The following SUCLG2 variants were observed in gnomAD, a reference collection of about 807,000 sequenced individuals.
The protein encoded by SUCLG2 is succinate--CoA ligase [GDP-forming] subunit beta, mitochondrial.
A neutral mutation model predicts 47.9 loss-of-function variants in SUCLG2; 42 were observed. That is an observed-to-expected ratio of 0.88 (90% CI 0.69 to 1.14). The LOEUF (loss-of-function observed/expected upper bound fraction) is 1.14, where lower values mean the gene tolerates loss of function less well. Ranked by LOEUF, SUCLG2 falls within the 50% of genes most tolerant of loss-of-function variation. The probability of loss-of-function intolerance (pLI) is 0.00; values close to 1 mark genes in which losing one functional copy is unlikely to be tolerated. For synonymous variants in SUCLG2, 195 were observed against 197.3 expected (o/e 0.99, Z 0.10); for missense variants, 571 against 525.9 (o/e 1.09, Z -0.84).
intron 1 of SUCLG2, among the ~76,000 whole-genome samples, chr3:67,637,995 G>GACC (rs1701037199): frequency 2.0e-5 from 3 of 152,014 alleles, no homozygotes; most frequent in Non-Finnish European, 4.4e-5. Context: ...AGGAAGTGCT[G>GACC]TTTACTTTAT....
At chr3:67,651,931 TTA>T (rs1701292494) in intron 1 of SUCLG2, among the ~76,000 whole-genome samples, 1 of 152,124 alleles carries the variant, frequency 6.6e-6, no homozygotes, top group African/African-American at 2.4e-5. Context: ...TCATTATTGG[TTA>T]TATGTGTACT....
Position 67,418,466 on chromosome 3 carries a change from T to C in SUCLG2, c.1063-17615A>G, listed in dbSNP as rs9831881. ...AGGATTTGAACACAGGTTTATCTAA[T>C]GACAAGAGCTTTAACCATTACACTA... On this transcript the variant is annotated intron_variant, in intron 9 of 10. Coordinates refer to ENST00000307227, the MANE Select transcript of SUCLG2 (RefSeq NM_003848.4). Among the ~76,000 whole-genome samples, 492 of 152,296 alleles carry C rather than the reference T, an allele frequency of 3.2e-3. 1 individual carries two copies. The highest frequency in any genetic ancestry group is 0.011 in the African/African-American group (463 of 41,566).
intron 4 of SUCLG2, among the ~76,000 whole-genome samples, chr3:67,526,326 A>G (rs1706254402): frequency 1.3e-5 from 2 of 152,198 alleles, no homozygotes; most frequent in Admixed American, 6.5e-5. Context: ...TAATGTTTAG[A>G]AAGGTTACAA....
chr3:67,610,648 C>A (rs1700512010), intron 1 of SUCLG2, among the ~76,000 whole-genome samples: 1 of 152,070 alleles, frequency 6.6e-6, no homozygotes, highest in Non-Finnish European at 1.5e-5. Context: ...ATCAATCACA[C>A]AACTGGATCA....
At chr3:67,471,364 G>C (rs1430454696) in intron 9 of SUCLG2, among the ~76,000 whole-genome samples, 6 of 152,150 alleles carry the variant, frequency 3.9e-5, no homozygotes, top group Non-Finnish European at 7.4e-5. Flanking sequence ...ATCTTTGTAA[G>C]ACAGAATAAC....
At chr3:67,433,816 AC>A (rs1559524882) in intron 9 of SUCLG2, among the ~76,000 whole-genome samples, 1 of 152,024 alleles carries the variant, frequency 6.6e-6, no homozygotes, top group African/African-American at 2.4e-5. Context: ...AAAAAAAAAA[AC>A]TTATTTGCAC....
At chr3:67,507,829 G>A (rs1392961213) in intron 7 of SUCLG2, among the ~76,000 whole-genome samples, 1 of 152,192 alleles carries the variant, frequency 6.6e-6, no homozygotes, top group African/African-American at 2.4e-5. Context: ...AGACACCGGA[G>A]GTGAAATGTA....
intron 9 of SUCLG2, among the ~76,000 whole-genome samples, chr3:67,456,298 A>T (rs1281297085): frequency 2.0e-5 from 3 of 152,218 alleles, no homozygotes; most frequent in Non-Finnish European, 4.4e-5. Flanking sequence ...ATGGCCCATT[A>T]TATGCAAGGG....
chr3:67,430,165 A>T (rs1487617860), intron 9 of SUCLG2, among the ~76,000 whole-genome samples: 1 of 152,236 alleles, frequency 6.6e-6, no homozygotes, highest in African/African-American at 2.4e-5. Context: ...TCAGCACCAC[A>T]TTGCACTTAT....
At chr3:67,628,318 T>C (rs1366503909) in intron 1 of SUCLG2, among the ~76,000 whole-genome samples, 1 of 152,202 alleles carries the variant, frequency 6.6e-6, no homozygotes, top group African/African-American at 2.4e-5. Context: ...TAGTTTTTTA[T>C]TGAATGAAGG....
chr3:67,419,670 T>C (rs914033691), intron 9 of SUCLG2, among the ~76,000 whole-genome samples: 8 of 152,168 alleles, frequency 5.3e-5, no homozygotes, highest in Non-Finnish European at 7.4e-5. Flanking sequence ...CAGTATGATA[T>C]GAAATTTCCT....
chr3:67,529,288 G>A, intron 2 of SUCLG2, 102 bp from the exon 3 acceptor site: 2 of 810,850 alleles, frequency 2.5e-6, no homozygotes, highest in Non-Finnish European at 3.9e-6. Context: ...CAAGTAACTG[G>A]TAAAAGCTCT....
At chr3:67,379,316 A>G (rs947836793) in intron 10 of SUCLG2, among the ~76,000 whole-genome samples, 2 of 151,970 alleles carry the variant, frequency 1.3e-5, no homozygotes, top group African/African-American at 2.4e-5. Flanking sequence ...TCTTTTGAGC[A>G]CCTTCCAATC....
intron 4 of SUCLG2, among the ~76,000 whole-genome samples, chr3:67,527,592 T>C (rs1706289140): frequency 6.6e-6 from 1 of 152,170 alleles, no homozygotes; most frequent in African/African-American, 2.4e-5. Context: ...TTATTTTCTA[T>C]GTGTGGATGA....
intron 2 of SUCLG2, among the ~76,000 whole-genome samples, chr3:67,568,247 G>A (rs541129731): frequency 3.3e-5 from 5 of 152,282 alleles, no homozygotes; most frequent in Admixed American, 3.3e-4. Context: ...AAATGAAACA[G>A]ACTGAGGGGC....
At chr3:67,369,069 T>A (rs1701916576) in intron 10 of SUCLG2, among the ~76,000 whole-genome samples, 1 of 152,192 alleles carries the variant, frequency 6.6e-6, no homozygotes, top group South Asian at 2.1e-4. Context: ...TTAGGATTCA[T>A]TACTTTTTGT....
intron 1 of SUCLG2, among the ~76,000 whole-genome samples, chr3:67,620,419 T>C (rs539726033): frequency 9.2e-4 from 140 of 151,872 alleles, no homozygotes; most frequent in Non-Finnish European, 1.7e-3. Flanking sequence ...ACCTTGTCTC[T>C]ACTAAAAATA....
At chr3:67,398,577 T>C (rs949307632) in intron 10 of SUCLG2, among the ~76,000 whole-genome samples, 13 of 152,008 alleles carry the variant, frequency 8.6e-5, no homozygotes, top group African/African-American at 2.4e-4. Flanking sequence ...TTGGTGGGAC[T>C]GTAAACTAGT....
At chr3:67,366,721 G>A (rs1324079225) in intron 10 of SUCLG2, among the ~76,000 whole-genome samples, 1 of 152,132 alleles carries the variant, frequency 6.6e-6, no homozygotes, top group Non-Finnish European at 1.5e-5. Context: ...GCAGAATTTA[G>A]CCCCCTCCAG....
Sources: allele counts gnomAD v4.1 joint callset (sites outside exome capture counted in the v4.1 genomes callset), GRCh38; gene constraint gnomAD v4.1.1; transcripts MANE v1.5; gene names NCBI Gene and HGNC (gene_info 2026-07-23, HGNC 2026-07-21).